The following LGSN variants were observed in gnomAD, a reference collection of about 807,000 sequenced individuals.
The protein encoded by LGSN is lengsin, lens protein with glutamine synthetase domain.
A neutral mutation model predicts 19.5 loss-of-function variants in LGSN; 21 were observed. The ratio of observed to expected loss-of-function variants is 1.07; its 90% CI spans 0.76 to 1.55. The LOEUF is 1.55. LGSN is among the 40% of genes most tolerant of loss of function. LGSN has a pLI of 0.00. For synonymous variants in LGSN, 257 were observed against 215.6 expected (o/e 1.19, Z -1.68); for missense variants, 673 against 608.5 (o/e 1.11, Z -1.12).
the LGSN span, among the ~76,000 whole-genome samples, chr6:63,568,671 CAA>C: frequency 6.8e-6 from 1 of 146,528 alleles, no homozygotes; most frequent in African/African-American, 2.5e-5. Context: ...AAAAAAAAAA[CAA>C]TATTTGCAAA....
At chr6:63,460,099 CCTTTTTTTTTTTTTTTTT>C in the LGSN span, among the ~76,000 whole-genome samples, 1 of 115,912 alleles carries the variant, frequency 8.6e-6, no homozygotes, top group Admixed American at 9.0e-5. Context: ...GATTTCATTC[CCTTTTTTTTTTTTTTTTT>C]TTTTTTTTTT....
At chr6:63,557,884 C>A in the LGSN span, among the ~76,000 whole-genome samples, 1 of 151,806 alleles carries the variant, frequency 6.6e-6, no homozygotes. Flanking sequence ...TAAAATGATA[C>A]TGAACATATG....
chr6:63,328,035 G>C, the LGSN span, among the ~76,000 whole-genome samples: 3 of 152,202 alleles, frequency 2.0e-5, no homozygotes, highest in Non-Finnish European at 4.4e-5. Context: ...TGTAGGATTA[G>C]ATAAGCATAC....
chr6:63,490,113 C>G, the LGSN span, among the ~76,000 whole-genome samples: 2 of 152,084 alleles, frequency 1.3e-5, no homozygotes, highest in African/African-American at 4.8e-5. Flanking sequence ...AAAGAAAATA[C>G]TCAAACACAT....
At chr6:63,412,431 AAAGAAAGAAAGC>A in the LGSN span, among the ~76,000 whole-genome samples, 28 of 139,006 alleles carry the variant, frequency 2.0e-4, no homozygotes, top group South Asian at 4.4e-4. Flanking sequence ...AGAAAGAAAG[AAAGAAAGAAAGC>A]AAGAAAGAAA....
the LGSN span, among the ~76,000 whole-genome samples, chr6:63,516,829 G>A: frequency 3.3e-5 from 5 of 152,164 alleles, no homozygotes; most frequent in Non-Finnish European, 5.9e-5. Flanking sequence ...TGGACATGAA[G>A]GCAGAAGCTC....
chr6:63,460,100 C>CTTTTTTTTTT, the LGSN span, among the ~76,000 whole-genome samples: 165 of 56,162 alleles, frequency 2.9e-3, 1 homozygote, highest in Middle Eastern at 0.016. Flanking sequence ...ATTTCATTCC[C>CTTTTTTTTTT]TTTTTTTTTT....
the LGSN span, among the ~76,000 whole-genome samples, chr6:63,530,341 A>G: frequency 1.3e-5 from 2 of 152,166 alleles, no homozygotes. Flanking sequence ...AAAAAGCACA[A>G]AGGCTGAATA....
the LGSN span, among the ~76,000 whole-genome samples, chr6:63,496,437 A>T: frequency 2.0e-5 from 3 of 152,356 alleles, no homozygotes; most frequent in South Asian, 2.1e-4. Context: ...ATTATAGGCA[A>T]TTAAGACAAG....
At chr6:63,364,132 G>A in the LGSN span, among the ~76,000 whole-genome samples, 1 of 152,076 alleles carries the variant, frequency 6.6e-6, no homozygotes, top group African/African-American at 2.4e-5. Context: ...ACACAGATTG[G>A]TAAATTGGAT....
chr6:63,477,945 G>C, the LGSN span, among the ~76,000 whole-genome samples: 158 of 151,516 alleles, frequency 1.0e-3, 1 homozygote, highest in African/African-American at 3.7e-3. Context: ...CTGTGATACT[G>C]TCATATTCCT....
upstream of LGSN, among the ~76,000 whole-genome samples, chr6:63,323,971 C>A (rs1216188008): frequency 6.6e-6 from 1 of 151,914 alleles, no homozygotes; most frequent in Non-Finnish European, 1.5e-5. Context: ...CAGGGTTTCG[C>A]CATGTTGGCC....
At chr6:63,345,098 C>T in the LGSN span, among the ~76,000 whole-genome samples, 8 of 151,384 alleles carry the variant, frequency 5.3e-5, no homozygotes, top group South Asian at 1.7e-3. Flanking sequence ...GAGCTGACAC[C>T]ATTATCCCAC....
the LGSN span, among the ~76,000 whole-genome samples, chr6:63,391,725 A>T: frequency 3.3e-5 from 5 of 152,216 alleles, no homozygotes; most frequent in African/African-American, 9.6e-5. Flanking sequence ...TCATGGGCTG[A>T]TAGCGAGGCT....
the LGSN span, among the ~76,000 whole-genome samples, chr6:63,461,779 T>G: frequency 6.6e-6 from 1 of 152,260 alleles, no homozygotes; most frequent in South Asian, 2.1e-4. Context: ...GTATTCCAAA[T>G]GTGTTGCTTC....
chr6:63,380,523 G>A, the LGSN span, among the ~76,000 whole-genome samples: 3 of 152,250 alleles, frequency 2.0e-5, no homozygotes, highest in South Asian at 2.1e-4. Flanking sequence ...TGTTTGACAG[G>A]TGGAGTCTTA....
At chr6:63,553,153 T>C in the LGSN span, among the ~76,000 whole-genome samples, 1 of 152,186 alleles carries the variant, frequency 6.6e-6, no homozygotes, top group Non-Finnish European at 1.5e-5. Flanking sequence ...AGTATACAAT[T>C]CAAATTTGAA....
intron 2 of LGSN, among the ~76,000 whole-genome samples, chr6:63,292,414 G>A (rs1767808876): frequency 6.6e-6 from 1 of 152,162 alleles, no homozygotes; most frequent in Non-Finnish European, 1.5e-5. Flanking sequence ...TTGGTCCCTG[G>A]GAGATAATCT....
the LGSN span, among the ~76,000 whole-genome samples, chr6:63,454,780 TTTTTTTCTTTTTC>T: frequency 8.4e-6 from 1 of 119,212 alleles, no homozygotes; most frequent in East Asian, 2.4e-4. Context: ...CTACGTTTTC[TTTTTTTCTTTTTC>T]TTTTTTTTTT....
Sources: allele counts gnomAD v4.1 joint callset (sites outside exome capture counted in the v4.1 genomes callset), GRCh38; gene constraint gnomAD v4.1.1; transcripts MANE v1.5; gene names NCBI Gene and HGNC (gene_info 2026-07-23, HGNC 2026-07-21).